The following TPD52 variants were observed in gnomAD, a reference collection of about 807,000 sequenced individuals.
The protein encoded by TPD52 is tumor protein D52.
Under a neutral mutation model 31.3 loss-of-function variants are expected in TPD52, and 17 were observed. The observed-to-expected ratio is 0.54, with a 90% CI of 0.37 to 0.82. The LOEUF (loss-of-function observed/expected upper bound fraction) is 0.82, where lower values mean the gene tolerates loss of function less well. Among genes scored for constraint, TPD52 ranks in the 40% least tolerant of loss-of-function variants. The probability of loss-of-function intolerance (pLI) is 0.00; values close to 1 mark genes in which losing one functional copy is unlikely to be tolerated. For missense variants in TPD52, 212 were observed against 240.1 expected (o/e 0.88, Z 0.77); for synonymous variants, 83 against 89.6 (o/e 0.93, Z 0.42).
At chr8:80,047,818 C>G (rs1266674760) in intron 5 of TPD52, among the ~76,000 whole-genome samples, 1 of 152,062 alleles carries the variant, frequency 6.6e-6, no homozygotes, top group Non-Finnish European at 1.5e-5. Context: ...TCTACAGGGG[C>G]ACATGAAGAA....
At chr8:80,038,806 A>G (rs1204252537) in intron 7 of TPD52, among the ~76,000 whole-genome samples, 2 of 152,210 alleles carry the variant, frequency 1.3e-5, no homozygotes, top group Non-Finnish European at 2.9e-5. Flanking sequence ...TACAGAATTG[A>G]AATCAACACT....
At chr8:80,130,406 C>CA (rs1277198601) in intron 1 of TPD52, among the ~76,000 whole-genome samples, 8 of 152,282 alleles carry the variant, frequency 5.3e-5, no homozygotes, top group Admixed American at 2.0e-4. Context: ...CTAAATGTAG[C>CA]AGATTTTTTA....
At chr8:80,101,422 T>G (rs1266516103) in intron 1 of TPD52, among the ~76,000 whole-genome samples, 1 of 129,908 alleles carries the variant, frequency 7.7e-6, no homozygotes, top group African/African-American at 2.9e-5. Flanking sequence ...CAATCCAGCC[T>G]GGGCGACAGA....
intron 1 of TPD52, among the ~76,000 whole-genome samples, chr8:80,081,154 CTCTTT>C (rs1563610159): frequency 0.017 from 2,358 of 140,758 alleles, 64 homozygotes; most frequent in African/African-American, 0.059. Context: ...TCTTTTCTCT[CTCTTT>C]TTTTTTTTTT....
intron 1 of TPD52, among the ~76,000 whole-genome samples, chr8:80,066,202 G>A (rs79710515): frequency 0.024 from 3,713 of 152,210 alleles, 107 homozygotes; most frequent in African/African-American, 0.067. Context: ...AATTACATGA[G>A]TCAATGAGAT....
chr8:80,137,152 G>C (rs993942092), intron 1 of TPD52, among the ~76,000 whole-genome samples: 6 of 152,168 alleles, frequency 3.9e-5, no homozygotes, highest in African/African-American at 1.4e-4. Flanking sequence ...CTATTAAAAA[G>C]AGTAATAAAA....
At chr8:80,075,082 C>T (rs1325360076) in intron 1 of TPD52, among the ~76,000 whole-genome samples, 2 of 152,120 alleles carry the variant, frequency 1.3e-5, no homozygotes, top group African/African-American at 4.8e-5. Context: ...CAAGTTCAAG[C>T]AATTCTCCTG....
intron 1 of TPD52, among the ~76,000 whole-genome samples, chr8:80,111,877 T>C: frequency 6.6e-6 from 1 of 152,186 alleles, no homozygotes; most frequent in East Asian, 1.9e-4. Context: ...TGAGTGATAT[T>C]TACTTACATC....
In TPD52 at chr8:80,034,900, A is replaced by C. The variant is rs1809799181; in HGVS notation, c.*3216T>G. ...TGCCAAATAGCATTTATTTGAGTAC[A>C]AAATCCTGGCAGGCAAAAGCACTTG... On this transcript the variant is annotated 3_prime_UTR_variant, in exon 8 of 8. Transcript: ENST00000518937. 6.6e-6 allele frequency: 1 copy of C among 152,218 alleles called. No homozygotes were observed. The highest frequency in any genetic ancestry group is 2.1e-4 in the South Asian group (1 of 4,834). The allele number at this position is 152,218 out of a possible 1,614,324, so 9.4% of individuals were successfully genotyped here.
intron 1 of TPD52, among the ~76,000 whole-genome samples, chr8:80,073,663 A>C (rs1418076528): frequency 6.6e-6 from 1 of 152,232 alleles, no homozygotes; most frequent in Non-Finnish European, 1.5e-5. Flanking sequence ...TATACAGTCA[A>C]GTTAGAAGGA....
intron 2 of TPD52, among the ~76,000 whole-genome samples, chr8:80,064,096 G>C (rs145873969): frequency 2.0e-5 from 3 of 151,950 alleles, no homozygotes; most frequent in Non-Finnish European, 4.4e-5. Context: ...AGGAAGGAAA[G>C]GCGGAAGGAA....
intron 1 of TPD52, among the ~76,000 whole-genome samples, chr8:80,123,369 A>AT: frequency 6.6e-6 from 1 of 152,188 alleles, no homozygotes; most frequent in East Asian, 1.9e-4. Flanking sequence ...AAAGGGAAAA[A>AT]TGACTCTCAA....
At position 80,035,855 on chromosome 8, in the gene TPD52, G is replaced by C. The variant is rs1438881020; in HGVS notation, c.*2261C>G. 2.0e-5 allele frequency: 3 copies of C among 152,132 alleles called. No individual in the cohort carries two copies. The highest frequency in any genetic ancestry group is 7.2e-5 in the African/African-American group (3 of 41,428). The allele number at this position is 152,132 out of a possible 1,614,324, so 9.4% of individuals were successfully genotyped here. A position where few individuals can be genotyped will look rare whatever the true frequency, so the allele number is the denominator to read the frequency against. Reference sequence around the variant, plus strand: ...TTAGTGTCAAACACAAGAGGAACCAGGAACTGTTTCTGGCATTTCTACTAA... The same window carrying C: ...TTAGTGTCAAACACAAGAGGAACCACGAACTGTTTCTGGCATTTCTACTAA... On this transcript the variant is annotated 3_prime_UTR_variant, in exon 8 of 8. Coordinates refer to ENST00000518937, the MANE Select transcript of TPD52 (RefSeq NM_001025253.3).
chr8:80,126,269 T>A (rs796208092), intron 1 of TPD52, among the ~76,000 whole-genome samples: 24 of 152,262 alleles, frequency 1.6e-4, no homozygotes, highest in African/African-American at 5.8e-4. Flanking sequence ...TTATCTCAAA[T>A]TCTATAACTT....
At chr8:80,119,882 A>G in intron 1 of TPD52, 1 of 395,346 alleles carries the variant, frequency 2.5e-6, no homozygotes, top group South Asian at 1.9e-5. Context: ...ATGAAATAAA[A>G]AGCTATAGCA....
intron 1 of TPD52, among the ~76,000 whole-genome samples, chr8:80,120,759 T>G (rs916132945): frequency 6.6e-6 from 1 of 152,086 alleles, no homozygotes; most frequent in Non-Finnish European, 1.5e-5. Flanking sequence ...TCTTATAACA[T>G]AGAGATAATA....
intron 1 of TPD52, among the ~76,000 whole-genome samples, chr8:80,092,863 T>C (rs1586282765): frequency 6.8e-6 from 1 of 147,358 alleles, no homozygotes; most frequent in Non-Finnish European, 1.5e-5. Flanking sequence ...AGAGGAGGAG[T>C]TGAGCAGGGG....
chr8:80,044,366 A>G (rs1810643899), intron 5 of TPD52, among the ~76,000 whole-genome samples, 158 bp from the exon 6 acceptor site: 1 of 152,182 alleles, frequency 6.6e-6, no homozygotes, highest in Non-Finnish European at 1.5e-5. Context: ...AAGTTATTCC[A>G]ACATAATTTA....
At chr8:80,096,323 TCTC>T (rs2130909260) in intron 1 of TPD52, among the ~76,000 whole-genome samples, 1 of 146,042 alleles carries the variant, frequency 6.8e-6, no homozygotes. Context: ...CACACAAACT[TCTC>T]CTAGTCTGCC....
Sources: allele counts gnomAD v4.1 joint callset (sites outside exome capture counted in the v4.1 genomes callset), GRCh38; gene constraint gnomAD v4.1.1; transcripts MANE v1.5; gene names NCBI Gene and HGNC (gene_info 2026-07-23, HGNC 2026-07-21).